Variants in PCDH17 observed in about 807,000 individuals in gnomAD.
PCDH17 encodes the protein protocadherin-17.
In PCDH17, 21 loss-of-function variants were observed where a neutral mutation model predicts 67.7. The observed-to-expected ratio is 0.31, with a 90% CI of 0.22 to 0.45. The LOEUF (loss-of-function observed/expected upper bound fraction) is 0.45. Among genes scored for constraint, PCDH17 ranks in the 20% least tolerant of loss-of-function variants. PCDH17 has a pLI of 1.00. For missense variants in PCDH17, 1,471 were observed against 1,564.8 expected (o/e 0.94, Z 1.01); for synonymous variants, 701 against 656.7 (o/e 1.07, Z -1.03).
intron 3 of PCDH17, among the ~76,000 whole-genome samples, chr13:57,684,754 A>G (rs559135927): frequency 2.2e-4 from 34 of 152,110 alleles, no homozygotes; most frequent in African/African-American, 7.9e-4. Flanking sequence ...TAAGTATTTT[A>G]CTTCACTGGT....
chr13:57,661,367 G>T (rs571975051), intron 1 of PCDH17, among the ~76,000 whole-genome samples: 1 of 151,962 alleles, frequency 6.6e-6, no homozygotes, highest in Non-Finnish European at 1.5e-5. Flanking sequence ...TTGACAGTTC[G>T]TTATACAGTC....
At chr13:57,658,180 T>G (rs1317670583) in intron 1 of PCDH17, among the ~76,000 whole-genome samples, 5 of 152,208 alleles carry the variant, frequency 3.3e-5, no homozygotes, top group Non-Finnish European at 5.9e-5. Flanking sequence ...GGCAAATGTT[T>G]CTAGAACTTG....
intron 3 of PCDH17, among the ~76,000 whole-genome samples, chr13:57,701,954 G>A (rs1955667308): frequency 6.6e-6 from 1 of 151,938 alleles, no homozygotes; most frequent in South Asian, 2.1e-4. Context: ...GTCTTGCTCT[G>A]TTGCCCAGGC....
chr13:57,720,229 A>G (rs1955861521), intron 3 of PCDH17, among the ~76,000 whole-genome samples: 1 of 152,018 alleles, frequency 6.6e-6, no homozygotes, highest in Non-Finnish European at 1.5e-5. Flanking sequence ...GAGCTTTCAG[A>G]TATTATCAGC....
At chr13:57,642,188 C>G (rs1373932123) in intron 1 of PCDH17, among the ~76,000 whole-genome samples, 1 of 151,622 alleles carries the variant, frequency 6.6e-6, no homozygotes, top group Non-Finnish European at 1.5e-5. Context: ...ATATTTAACA[C>G]TTTTTAAACT....
At chr13:57,647,430 A>G (rs1954978253) in intron 1 of PCDH17, among the ~76,000 whole-genome samples, 1 of 151,728 alleles carries the variant, frequency 6.6e-6, no homozygotes, top group Admixed American at 6.6e-5. Context: ...TTACTTTAGT[A>G]CCTTGTATAT....
At chr13:57,705,349 A>G (rs914743407) in intron 3 of PCDH17, among the ~76,000 whole-genome samples, 1 of 152,092 alleles carries the variant, frequency 6.6e-6, no homozygotes, top group African/African-American at 2.4e-5. Context: ...TTCATTTTCT[A>G]GAAAAGTAGG....
rs1243011134 is a variant in PCDH17 at position 57,725,460 on chromosome 13, G to C, written c.*166G>C. The C allele has an allele frequency of 1.8e-6, 1 of 570,744 alleles. No homozygotes were observed. Among genetic ancestry groups the C allele is most frequent in the Non-Finnish European group, 3.0e-6 (1 of 333,546 alleles). The allele number at this position is 570,744 out of a possible 1,614,324, so 35.4% of individuals were successfully genotyped here. A position where few individuals can be genotyped will look rare whatever the true frequency, so the allele number is the denominator to read the frequency against. ...CCACAAGTATGTTCTTTCCACTGCT[G>C]ATTTCTTTTTCAGAGATAACAATGG... On this transcript the variant is annotated 3_prime_UTR_variant, in exon 4 of 4. Transcript: ENST00000377918.
intron 3 of PCDH17, among the ~76,000 whole-genome samples, chr13:57,702,676 G>A (rs1028532042): frequency 6.6e-6 from 1 of 152,086 alleles, no homozygotes; most frequent in African/African-American, 2.4e-5. Context: ...CTCTCCCTTT[G>A]CCTCCACTGT....
At chr13:57,651,231 A>C in intron 1 of PCDH17, among the ~76,000 whole-genome samples, 1 of 152,200 alleles carries the variant, frequency 6.6e-6, no homozygotes, top group East Asian at 1.9e-4. Context: ...ATGAAAAATT[A>C]TATACTATTT....
chr13:57,708,382 T>G (rs941385600), intron 3 of PCDH17, among the ~76,000 whole-genome samples: 1 of 152,020 alleles, frequency 6.6e-6, no homozygotes, highest in Non-Finnish European at 1.5e-5. Context: ...CAAGAACTAG[T>G]GCTTTTTCAG....
intron 3 of PCDH17, among the ~76,000 whole-genome samples, chr13:57,709,201 C>T (rs1014239145): frequency 6.6e-6 from 1 of 151,438 alleles, no homozygotes; most frequent in Non-Finnish European, 1.5e-5. Flanking sequence ...TGTCTTGTTT[C>T]AAGTTCTAGA....
chr13:57,678,144 C>CAT (rs10627550), intron 3 of PCDH17, among the ~76,000 whole-genome samples: 41,580 of 147,262 alleles, frequency 0.28, 5,866 homozygotes, highest in Middle Eastern at 0.4. Context: ...TCTCTATCTC[C>CAT]ATATATATAT....
intron 1 of PCDH17, among the ~76,000 whole-genome samples, chr13:57,637,157 C>T (rs541221262): frequency 6.6e-6 from 1 of 152,030 alleles, no homozygotes; most frequent in Non-Finnish European, 1.5e-5. Context: ...CTTTTTTTAA[C>T]ATTCTGTTTC....
intron 3 of PCDH17, among the ~76,000 whole-genome samples, chr13:57,689,090 CTGATGATAAAGA>C (rs1377606507): frequency 6.6e-6 from 1 of 151,972 alleles, no homozygotes; most frequent in Non-Finnish European, 1.5e-5. Context: ...CTTGCTGTTG[CTGATGATAAAGA>C]TGATGATAAT....
chr13:57,711,395 C>T (rs578153974), intron 3 of PCDH17, among the ~76,000 whole-genome samples: 2 of 151,974 alleles, frequency 1.3e-5, no homozygotes, highest in East Asian at 3.9e-4. Flanking sequence ...TTTATGTCCA[C>T]TAAGTGGTTC....
chr13:57,644,406 G>C (rs937806430), intron 1 of PCDH17, among the ~76,000 whole-genome samples: 3 of 151,474 alleles, frequency 2.0e-5, no homozygotes, highest in African/African-American at 7.3e-5. Flanking sequence ...TTCTGATTTT[G>C]AGCAATAGAC....
chr13:57,710,640 A>G (rs2138088615), intron 3 of PCDH17, among the ~76,000 whole-genome samples: 1 of 152,028 alleles, frequency 6.6e-6, no homozygotes, highest in East Asian at 1.9e-4. Flanking sequence ...TCTCTGAATC[A>G]TTTGAATGCT....
At chr13:57,645,404 T>G (rs531462407) in intron 1 of PCDH17, among the ~76,000 whole-genome samples, 2 of 151,686 alleles carry the variant, frequency 1.3e-5, no homozygotes, top group East Asian at 3.9e-4. Context: ...CAATCACCCA[T>G]CAGATACATG....
Sources: gnomAD v4.1 joint callset for allele counts (sites outside exome capture counted in the v4.1 genomes callset) on GRCh38, gnomAD v4.1.1 for gene constraint, MANE v1.5 for transcripts, NCBI Gene and HGNC (gene_info 2026-07-23, HGNC 2026-07-21) for gene names.